Variants in HFM1 observed in about 807,000 individuals in gnomAD.
HFM1 encodes probable ATP-dependent DNA helicase HFM1.
In HFM1, 169 loss-of-function variants were observed where a neutral mutation model predicts 192.1. The observed-to-expected ratio is 0.88, with a 90% CI of 0.78 to 1.00. The LOEUF is 1.00. HFM1 is among the 50% of genes least tolerant of loss of function. HFM1 has a pLI of 0.00. For missense variants in HFM1, 1,661 were observed against 1,668.0 expected, an observed-to-expected ratio of 1.00 and a Z score of 0.07; for synonymous variants, 525 against 537.8, an observed-to-expected ratio of 0.98 and a Z score of 0.33.
intron 30 of HFM1, among the ~76,000 whole-genome samples, chr1:91,308,717 GTTGATTA>G (rs1439638015): frequency 1.3e-5 from 2 of 152,010 alleles, no homozygotes; most frequent in African/African-American, 4.8e-5. Flanking sequence ...TCTTGACACA[GTTGATTA>G]TCAGTCATAT....
At chr1:91,332,840 T>C (rs1396873529) in intron 20 of HFM1, among the ~76,000 whole-genome samples, 1 of 152,172 alleles carries the variant, frequency 6.6e-6, no homozygotes, top group Non-Finnish European at 1.5e-5. Flanking sequence ...CAAACAGGCA[T>C]ATGAAAAGGT....
chr1:91,402,230 G>C (rs991798873), intron 1 of HFM1, among the ~76,000 whole-genome samples: 6 of 152,140 alleles, frequency 3.9e-5, no homozygotes, highest in Non-Finnish European at 7.4e-5. Flanking sequence ...GTGGGGATGA[G>C]ATACAAGTGG....
At chr1:91,373,035 T>C (rs1226376418) in intron 13 of HFM1, among the ~76,000 whole-genome samples, 1 of 152,092 alleles carries the variant, frequency 6.6e-6, no homozygotes, top group African/African-American at 2.4e-5. Flanking sequence ...GAAGATCAAG[T>C]TAAATCCTTT....
At chr1:91,394,446 A>C in intron 3 of HFM1, 44 bp from the exon 4 acceptor site, 1 of 1,152,114 alleles carries the variant, frequency 8.7e-7, no homozygotes, top group Non-Finnish European at 1.2e-6. Context: ...TCTCCATTAA[A>C]GGAAATTTTC....
At chr1:91,272,016 A>AT (rs1666351824) in intron 34 of HFM1, among the ~76,000 whole-genome samples, 2 of 152,106 alleles carry the variant, frequency 1.3e-5, no homozygotes, top group Admixed American at 6.6e-5. Flanking sequence ...AATTTGTGAC[A>AT]TTTTTTCTTC....
chr1:91,372,681 A>G (rs754983338), intron 13 of HFM1, among the ~76,000 whole-genome samples: 9 of 152,186 alleles, frequency 5.9e-5, no homozygotes, highest in Non-Finnish European at 1.2e-4. Context: ...ACATGTATAC[A>G]TATGTAACAA....
intron 20 of HFM1, among the ~76,000 whole-genome samples, chr1:91,339,431 C>T (rs924519834): frequency 2.0e-5 from 3 of 151,894 alleles, no homozygotes; most frequent in African/African-American, 4.8e-5. Context: ...AGGACAAAAT[C>T]GCCATTTTAA....
chr1:91,391,753 G>A (rs1663021240), intron 4 of HFM1, among the ~76,000 whole-genome samples: 2 of 152,092 alleles, frequency 1.3e-5, no homozygotes, highest in Admixed American at 1.3e-4. Flanking sequence ...AAACAAATGG[G>A]ATCTAATTAC....
At chr1:91,333,591 G>A (rs1294207475) in intron 20 of HFM1, among the ~76,000 whole-genome samples, 2 of 152,110 alleles carry the variant, frequency 1.3e-5, no homozygotes, top group East Asian at 1.9e-4. Context: ...TAATTTGACT[G>A]TACATTTTAA....
At chr1:91,277,803 T>C (rs1667040865) in intron 30 of HFM1, among the ~76,000 whole-genome samples, 1 of 125,548 alleles carries the variant, frequency 8.0e-6, no homozygotes, top group South Asian at 2.2e-4. Context: ...ATATAATATA[T>C]ACTAATATAT....
At chr1:91,278,403 G>A (rs1667153691) in intron 30 of HFM1, among the ~76,000 whole-genome samples, 1 of 152,166 alleles carries the variant, frequency 6.6e-6, no homozygotes, top group African/African-American at 2.4e-5. Flanking sequence ...AAGGACAGAT[G>A]GAAATACGAA....
At chr1:91,407,531 A>T (rs1234622330), upstream of HFM1, among the ~76,000 whole-genome samples, 2 of 152,212 alleles carry the variant, frequency 1.3e-5, no homozygotes, top group African/African-American at 4.8e-5. Context: ...TTCACTTAGC[A>T]TAATGTTTTC....
At chr1:91,273,959 T>C (rs1417077116) in intron 33 of HFM1, 144 bp from the exon 34 acceptor site, 2 of 558,052 alleles carry the variant, frequency 3.6e-6, no homozygotes, top group East Asian at 5.9e-5. Flanking sequence ...GGGTAGCAAA[T>C]AAATAGGTGT....
chr1:91,365,516 AAAGAC>A (rs1659179344), intron 13 of HFM1, among the ~76,000 whole-genome samples: 1 of 152,320 alleles, frequency 6.6e-6, no homozygotes, highest in Admixed American at 6.5e-5. Flanking sequence ...AACTAGGTGA[AAAGAC>A]AAGAGGAAGT....
chr1:91,336,973 C>T (rs993628363), intron 20 of HFM1, among the ~76,000 whole-genome samples: 10 of 152,158 alleles, frequency 6.6e-5, no homozygotes, highest in Non-Finnish European at 1.5e-5. Flanking sequence ...AGCAAACCAA[C>T]ACAGGAACGG....
chr1:91,368,767 A>G (rs1424728010), intron 13 of HFM1, among the ~76,000 whole-genome samples: 3 of 152,196 alleles, frequency 2.0e-5, no homozygotes, highest in Non-Finnish European at 4.4e-5. Flanking sequence ...TTAACTGTAA[A>G]TGGGCTAAAT....
chr1:91,379,599 G>C (rs76923822), intron 8 of HFM1, among the ~76,000 whole-genome samples: 3,333 of 152,232 alleles, frequency 0.022, 44 homozygotes, highest in Non-Finnish European at 0.035. Context: ...AGACAAGCTT[G>C]ATTTAGAGAT....
chr1:91,269,718 A>T (rs1666093058), intron 34 of HFM1, among the ~76,000 whole-genome samples: 1 of 152,222 alleles, frequency 6.6e-6, no homozygotes, highest in Non-Finnish European at 1.5e-5. Context: ...CATGACAGAC[A>T]GACTCCTGAG....
At chr1:91,363,735 CAT>C (rs1658852363) in intron 13 of HFM1, among the ~76,000 whole-genome samples, 1 of 152,132 alleles carries the variant, frequency 6.6e-6, no homozygotes, top group African/African-American at 2.4e-5. Flanking sequence ...TACATGAACA[CAT>C]ATGTTCATTG....
Sources: allele counts gnomAD v4.1 joint callset (sites outside exome capture counted in the v4.1 genomes callset), GRCh38; gene constraint gnomAD v4.1.1; transcripts MANE v1.5; gene names NCBI Gene and HGNC (gene_info 2026-07-23, HGNC 2026-07-21).